Variants in ATP8B4 observed in about 807,000 individuals in gnomAD.
ATP8B4 encodes ATPase phospholipid transporting 8B4 (putative).
In ATP8B4, 133 loss-of-function variants were observed where a neutral mutation model predicts 145.6. The ratio of observed to expected loss-of-function variants is 0.91; its 90% CI spans 0.79 to 1.05. ATP8B4 has a LOEUF of 1.05. Ranked by LOEUF, ATP8B4 falls within the 50% of genes least tolerant of loss-of-function variation. ATP8B4 has a pLI of 0.00. For missense variants in ATP8B4, 1,458 were observed against 1,425.2 expected, an observed-to-expected ratio of 1.02 and a Z score of -0.37; for synonymous variants, 507 against 492.9, an observed-to-expected ratio of 1.03 and a Z score of -0.38.
chr15:50,115,677 A>G (rs1040492481), intron 1 of ATP8B4, among the ~76,000 whole-genome samples: 9 of 152,064 alleles, frequency 5.9e-5, no homozygotes, highest in Admixed American at 5.9e-4. Flanking sequence ...AAGGCAGGTA[A>G]GAGCTGGATT....
chr15:50,094,425 T>C (rs1415032274), intron 2 of ATP8B4, among the ~76,000 whole-genome samples: 1 of 151,992 alleles, frequency 6.6e-6, no homozygotes, highest in East Asian at 1.9e-4. Context: ...AAATCAGGAC[T>C]TTTCAGCATC....
chr15:50,020,774 C>T (rs2153580677), intron 6 of ATP8B4, among the ~76,000 whole-genome samples: 1 of 152,204 alleles, frequency 6.6e-6, no homozygotes, highest in African/African-American at 2.4e-5. Context: ...ATTGCCTCTG[C>T]CCTCAAAATA....
Position 50,106,481 on chromosome 15 carries a change from C to G in ATP8B4, c.28+458G>C, listed in dbSNP as rs1287420594. On this transcript the variant is annotated intron_variant, in intron 2 of 27. Transcript: ENST00000284509. ...AAAATTATTTCTAACTATACGAACT[C>G]TGTTTTAAATGTTGGTGTGTTCACA... Among the ~76,000 whole-genome samples the G allele has an allele frequency of 2.0e-5, 3 of 152,330 alleles. No homozygotes were observed. The East Asian group carries it at 5.8e-4, about 29-fold the overall frequency.
intron 2 of ATP8B4, among the ~76,000 whole-genome samples, chr15:50,091,979 G>C (rs1024550515): frequency 2.0e-5 from 3 of 152,056 alleles, no homozygotes; most frequent in African/African-American, 7.2e-5. Context: ...CCAAGATCCG[G>C]AAGAAAAGAG....
intron 6 of ATP8B4, among the ~76,000 whole-genome samples, chr15:50,015,275 A>G (rs2153575313): frequency 6.6e-6 from 1 of 152,360 alleles, no homozygotes; most frequent in Middle Eastern, 3.4e-3. Context: ...GGGATGGAAG[A>G]GAGACTTCGT....
chr15:49,927,372 C>T (rs1406568353), intron 16 of ATP8B4, among the ~76,000 whole-genome samples: 1 of 152,006 alleles, frequency 6.6e-6, no homozygotes, highest in Non-Finnish European at 1.5e-5. Flanking sequence ...ATGCCTGAGC[C>T]TTTGCATCAG....
chr15:49,955,310 C>A (rs780870493), intron 14 of ATP8B4, among the ~76,000 whole-genome samples: 1 of 151,996 alleles, frequency 6.6e-6, no homozygotes, highest in Admixed American at 6.6e-5. Context: ...GCACATGTAC[C>A]CCGATTCTAA....
chr15:50,153,075 T>C (rs956867831), intron 1 of ATP8B4, among the ~76,000 whole-genome samples: 2 of 152,204 alleles, frequency 1.3e-5, no homozygotes, highest in African/African-American at 2.4e-5. Context: ...GAAAATGGTA[T>C]ATTGAGCAGA....
At chr15:49,952,242 C>G (rs139556715) in intron 14 of ATP8B4, among the ~76,000 whole-genome samples, 13 of 152,270 alleles carry the variant, frequency 8.5e-5, no homozygotes, top group Non-Finnish European at 1.6e-4. Context: ...GTTGGACTGT[C>G]TTGCTAGGTT....
At chr15:49,870,744 G>A (rs2033557084) in intron 25 of ATP8B4, among the ~76,000 whole-genome samples, 1 of 152,202 alleles carries the variant, frequency 6.6e-6, no homozygotes, top group South Asian at 2.1e-4. Context: ...ACATACTTGG[G>A]TCTAAGAACT....
At chr15:49,981,335 G>C in intron 10 of ATP8B4, 41 bp from the exon 11 acceptor site, 1 of 1,425,988 alleles carries the variant, frequency 7.0e-7, no homozygotes, top group South Asian at 1.2e-5. Flanking sequence ...GAAATGATAT[G>C]ATTATGTATT....
At chr15:49,959,484 A>G (rs1022245770) in intron 14 of ATP8B4, among the ~76,000 whole-genome samples, 10 of 152,104 alleles carry the variant, frequency 6.6e-5, no homozygotes, top group Admixed American at 5.2e-4. Flanking sequence ...TTAGATAAGA[A>G]AAATAAATTA....
intron 2 of ATP8B4, among the ~76,000 whole-genome samples, chr15:50,074,882 A>T (rs1232263569): frequency 6.6e-6 from 1 of 152,246 alleles, no homozygotes; most frequent in Non-Finnish European, 1.5e-5. Flanking sequence ...CAAGTTTAGT[A>T]GTAAGGGTAG....
At chr15:50,131,074 T>A (rs1035535408) in intron 1 of ATP8B4, among the ~76,000 whole-genome samples, 2 of 151,984 alleles carry the variant, frequency 1.3e-5, no homozygotes, top group South Asian at 2.1e-4. Context: ...GAGCCCCTTA[T>A]AAAACCATCA....
At chr15:50,054,932 C>T (rs577438658) in intron 3 of ATP8B4, among the ~76,000 whole-genome samples, 7 of 151,902 alleles carry the variant, frequency 4.6e-5, no homozygotes, top group African/African-American at 1.7e-4. Flanking sequence ...CTTAGTTTCA[C>T]GAACTGGATA....
intron 1 of ATP8B4, among the ~76,000 whole-genome samples, chr15:50,167,224 G>A (rs2044608691): frequency 1.3e-5 from 2 of 152,286 alleles, no homozygotes; most frequent in Non-Finnish European, 1.5e-5. Flanking sequence ...TAGGGCTACT[G>A]TAACAAATCA....
In ATP8B4 at chr15:49,923,917, T is replaced by C. The variant is rs74435182; in HGVS notation, c.1643-423A>G. 3.9e-3 allele frequency among the ~76,000 whole-genome samples: 592 copies of C among 152,292 alleles called. 8 individuals carry two copies. The highest frequency in any genetic ancestry group is 0.014 in the African/African-American group (575 of 41,552). On this transcript the variant is annotated intron_variant, in intron 16 of 27. Coordinates refer to ENST00000284509, the MANE Select transcript of ATP8B4 (RefSeq NM_024837.4). ...TCAGTGCTATGCTAAATCATCTCCA[T>C]ATGCAATTCTAGCCATTCAAAGTCA...
chr15:50,067,271 T>C lies in ATP8B4; in HGVS notation c.87+6856A>G, dbSNP rs547159026. ...TATTTTATATGGAGGGCAAATAAAA[T>C]CCCTTTTCACTTTGTGATTCCCCAG... is the stretch of plus-strand genomic sequence containing the variant. On this transcript the variant is annotated intron_variant, in intron 3 of 27. Transcript: ENST00000284509. Among the ~76,000 whole-genome samples the C allele has an allele frequency of 1.3e-5, 2 of 152,214 alleles. 1 individual carries two copies. The highest frequency in any genetic ancestry group is 4.1e-4 in the South Asian group (2 of 4,826).
intron 1 of ATP8B4, 72 bp from the exon 2 acceptor site, chr15:50,107,080 T>A (rs1185463931): frequency 3.0e-6 from 3 of 1,003,758 alleles, no homozygotes; most frequent in African/African-American, 1.7e-5. Context: ...CCTTTAACTT[T>A]CTTCCTAGAC....
Sources: gnomAD v4.1 joint callset for allele counts (sites outside exome capture counted in the v4.1 genomes callset) on GRCh38, gnomAD v4.1.1 for gene constraint, MANE v1.5 for transcripts, NCBI Gene and HGNC (gene_info 2026-07-23, HGNC 2026-07-21) for gene names.